Variants in PINK1 observed in about 807,000 individuals in gnomAD.
PINK1 encodes the protein PTEN induced kinase 1.
PINK1 carries 58 observed loss-of-function variants against 56.0 expected under a neutral mutation model. The observed-to-expected ratio is 1.04, with a 90% CI of 0.84 to 1.29. The LOEUF (loss-of-function observed/expected upper bound fraction) is 1.29, where lower values mean the gene tolerates loss of function less well. Ranked by LOEUF, PINK1 falls within the 50% of genes most tolerant of loss-of-function variation. The pLI, the probability that PINK1 is intolerant of heterozygous loss-of-function variation, is 0.00. For synonymous variants in PINK1, 354 were observed against 339.3 expected (o/e 1.04, Z -0.48); for missense variants, 745 against 777.9 (o/e 0.96, Z 0.50).
Position 20,649,234 on chromosome 1 carries a change from G to A in PINK1, c.1488+3G>A, listed in dbSNP as rs114288000. 5 of 1,613,902 alleles carry A rather than the reference G, an allele frequency of 3.1e-6. No individual in the cohort carries two copies. Among genetic ancestry groups the A allele is most frequent in the African/African-American group, 1.3e-5 (1 of 75,054 alleles). ...TGCTCCAGCGAGAGGCCAGCAAGGT[G>A]AGGCTGTCCCCGGCTTCGAGGGGAC... On this transcript the variant is annotated splice_donor_region_variant and intron_variant, in intron 7 of 7. Transcript: ENST00000321556.
intron 5 of PINK1, among the ~76,000 whole-genome samples, chr1:20,647,283 T>C (rs1471258148): frequency 6.6e-6 from 1 of 151,728 alleles, no homozygotes; most frequent in Non-Finnish European, 1.5e-5. Flanking sequence ...GGTCTCTATC[T>C]CCTGACTTCG....
At chr1:20,646,856 T>C (rs893070099) in intron 5 of PINK1, among the ~76,000 whole-genome samples, 27 of 61,160 alleles carry the variant, frequency 4.4e-4, no homozygotes, top group Admixed American at 1.0e-3. Context: ...CTGGCTTTTA[T>C]TATTTCTTTA....
Position 20,638,057 on chromosome 1 carries a change from A to G in PINK1, c.603A>G (p.Pro201=). 1 of 1,614,172 alleles carries G rather than the reference A, an allele frequency of 6.2e-7. No homozygotes were observed. The highest frequency in any genetic ancestry group is 8.5e-7 in the Non-Finnish European group (1 of 1,179,994). The change falls in exon 2 of 8, where the codon CCA becomes CCG. Residue 201 remains proline, a synonymous_variant. Coordinates refer to ENST00000321556, the MANE Select transcript of PINK1 (RefSeq NM_032409.3). ...LPGRGPGTSA[P]GEGQERAPGA... is the part of the protein sequence containing the mutation. ...GGAGAGGCCCAGGTACCAGTGCACC[A>G]GGAGAAGGGCAGGAGCGAGCTCCGG...
Position 20,638,133 on chromosome 1 carries a change from A to T in PINK1, c.675+4A>T, listed in dbSNP as rs2053077006. The stretch of plus-strand genomic sequence containing the variant: ...CAAGATGATGTGGAACATCTCGGTA[A>T]GCACCAGGCCTTTCATCTTTAAAGG... On this transcript the variant is annotated splice_donor_region_variant and intron_variant, in intron 2 of 7. Transcript: ENST00000321556. 6.2e-7 allele frequency: 1 copy of T among 1,610,016 alleles called. No individual in the cohort carries two copies.
intron 7 of PINK1, 173 bp from the exon 8 acceptor site, chr1:20,650,261 A>T: frequency 1.2e-6 from 1 of 819,920 alleles, no homozygotes; most frequent in Non-Finnish European, 2.0e-6. Context: ...AGCTTGGAGC[A>T]CGGGCAGGGG....
At chr1:20,643,654 A>G (rs999796686) in intron 3 of PINK1, among the ~76,000 whole-genome samples, 1 of 152,216 alleles carries the variant, frequency 6.6e-6, no homozygotes, top group Non-Finnish European at 1.5e-5. Context: ...GGTACTCAGC[A>G]TGCAAACAGT....
chr1:20,637,935 T>G lies in PINK1; in HGVS notation c.481T>G (p.Ser161Ala). 6.2e-7 allele frequency: 1 copy of G among 1,614,130 alleles called. No homozygotes were observed. The highest frequency in any genetic ancestry group is 8.5e-7 in the Non-Finnish European group (1 of 1,180,026). ...GCTGGAGGAGTATCTGATAGGGCAGTCCATTGGTAAGGGCTGCAGTGCTGC... is the reference window on the plus strand; with the variant it reads ...GCTGGAGGAGTATCTGATAGGGCAGGCCATTGGTAAGGGCTGCAGTGCTGC... The part of the protein sequence containing the change: ...FRLEEYLIGQ[S>A]IGKGCSAAVY... Residue 161 changes from serine (S) to alanine (A), a missense_variant, in exon 2 of 8, where the codon TCC (serine) becomes GCC (alanine). Coordinates refer to ENST00000321556, the MANE Select transcript of PINK1 (RefSeq NM_032409.3).
At position 20,641,578 on chromosome 1, in the gene PINK1, C is replaced by T. The variant is rs944327209; in HGVS notation, c.776+1586C>T. On this transcript the variant is annotated intron_variant, in intron 3 of 7. Transcript: ENST00000321556. The surrounding 1 kb of genome is among the most constrained non-coding windows in gnomAD (Gnocchi z 4.0). ...CCTCAGTAAATACCTGTTGAATGAC[C>T]GGATAGATGTGGCAGCAGGTACATT... Among the ~76,000 whole-genome samples, 4 of 152,106 alleles carry T rather than the reference C, an allele frequency of 2.6e-5. No homozygotes were observed. The highest frequency in any genetic ancestry group is 7.2e-5 in the African/African-American group (3 of 41,402).
At chr1:20,647,860 T>G (rs1402285849) in intron 5 of PINK1, among the ~76,000 whole-genome samples, 3 of 152,108 alleles carry the variant, frequency 2.0e-5, no homozygotes, top group Non-Finnish European at 4.4e-5. Flanking sequence ...CTCGCTGTGT[T>G]GCTCAGGCTG....
chr1:20,646,576 G>A (rs991716626), intron 5 of PINK1, among the ~76,000 whole-genome samples: 1 of 151,990 alleles, frequency 6.6e-6, no homozygotes, highest in African/African-American at 2.4e-5. Context: ...CCCGGGAGGC[G>A]GAGGTTGTAG....
Position 20,639,967 on chromosome 1 carries a change from G to A in PINK1, c.751G>A (p.Gly251Arg). Residue 251 changes from glycine (G) to arginine (R), a missense_variant, in exon 3 of 8, where the codon GGG (glycine) becomes AGG (arginine). Transcript: ENST00000321556. Reference sequence around the variant, plus strand: ...CCCAGCGAGCCGAGTGGCCTTGGCTGGGGAGTATGGAGCAGTCACTTACAG... The same window carrying A: ...CCCAGCGAGCCGAGTGGCCTTGGCTAGGGAGTATGGAGCAGTCACTTACAG... Reference protein sequence around the residue: ...LVPASRVALAGEYGAVTYRKS... With the variant: ...LVPASRVALAREYGAVTYRKS... 1.2e-6 allele frequency: 2 copies of A among 1,611,154 alleles called. No individual in the cohort carries two copies. The highest frequency in any genetic ancestry group is 1.7e-6 in the Non-Finnish European group (2 of 1,178,918).
intron 1 of PINK1, 112 bp downstream of exon 1, chr1:20,634,047 A>C: frequency 7.5e-7 from 1 of 1,330,074 alleles, no homozygotes; most frequent in Non-Finnish European, 1.0e-6. Context: ...GAGCAGATCG[A>C]GGGCCGAGGC....
intron 3 of PINK1, 83 bp downstream of exon 3, chr1:20,640,075 C>A: frequency 8.9e-7 from 1 of 1,128,256 alleles, no homozygotes; most frequent in Non-Finnish European, 1.3e-6. Context: ...GCACCTGGTA[C>A]AGTGTCTGAT....
At chr1:20,647,259 A>T (rs7532202) in intron 5 of PINK1, among the ~76,000 whole-genome samples, 2 of 151,114 alleles carry the variant, frequency 1.3e-5, no homozygotes, top group African/African-American at 4.9e-5. Flanking sequence ...GGGTTTCACC[A>T]TGTTAGCCAG....
In PINK1 at chr1:20,640,001, C is replaced by CCT; in HGVS notation, c.776+12_776+13dup. The CCT allele has an allele frequency of 6.3e-7, 1 of 1,592,040 alleles. No individual in the cohort carries two copies. The highest frequency in any genetic ancestry group is 8.5e-7 in the Non-Finnish European group (1 of 1,169,766). ...GGAGCAGTCACTTACAGGTAAGTGC[C>CCT]CTCTGCCTGCCAGACTGACTGGGAC... On this transcript the variant is annotated intron_variant, in intron 3 of 7. Coordinates refer to ENST00000321556, the MANE Select transcript of PINK1 (RefSeq NM_032409.3).
In PINK1 at chr1:20,639,917, T is replaced by C. The variant is rs771836537; in HGVS notation, c.701T>C (p.Leu234Ser). 1.7e-5 allele frequency: 27 copies of C among 1,613,166 alleles called. No homozygotes were observed. Among genetic ancestry groups the C allele is most frequent in the Non-Finnish European group, 2.3e-5 (27 of 1,179,714 alleles). Reference sequence around the variant, plus strand: ...GCAGGTTCCTCCAGCGAAGCCATCTTGAACACAATGAGCCAGGAGCTGGTC... The same window carrying C: ...GCAGGTTCCTCCAGCGAAGCCATCTCGAACACAATGAGCCAGGAGCTGGTC... ...ISAGSSSEAILNTMSQELVPA... is the reference protein window; with the variant it reads ...ISAGSSSEAISNTMSQELVPA... The change falls in exon 3 of 8, where the codon TTG (leucine) becomes TCG (serine). Residue 234 changes from leucine (L) to serine (S), a missense_variant. Transcript: ENST00000321556.
chr1:20,645,882 G>T (rs1370198274), intron 5 of PINK1, among the ~76,000 whole-genome samples, 159 bp downstream of exon 5: 1 of 111,478 alleles, frequency 9.0e-6, no homozygotes, highest in African/African-American at 2.6e-5. Flanking sequence ...CCTTAGAACG[G>T]GGTTTTTTTT....
rs776134109 is a variant in PINK1 at position 20,637,966 on chromosome 1, A to G, written c.512A>G (p.Tyr171Cys). The G allele has an allele frequency of 1.4e-5, 23 of 1,614,060 alleles. No individual in the cohort carries two copies. Among genetic ancestry groups the G allele is most frequent in the Admixed American group, 1.0e-4 (6 of 60,002 alleles). Residue 171 changes from tyrosine (Y) to cysteine (C), a missense_variant, in exon 2 of 8, where the codon TAT (tyrosine) becomes TGT (cysteine). Physicochemically the swap from Tyr to Cys is radical, Grantham distance 194. Transcript: ENST00000321556. ...SIGKGCSAAV[Y>C]EATMPTLPQN... The stretch of plus-strand genomic sequence containing the variant: ...GGTAAGGGCTGCAGTGCTGCTGTGT[A>G]TGAAGCCACCATGCCTACATTGCCC...
At chr1:20,644,763 T>G in intron 4 of PINK1, 91 bp downstream of exon 4, 1 of 1,498,794 alleles carries the variant, frequency 6.7e-7, no homozygotes. Context: ...GATCAGGGGG[T>G]TTTGGAGAAC....
Sources: gnomAD v4.1 joint callset for allele counts (sites outside exome capture counted in the v4.1 genomes callset) on GRCh38, gnomAD v4.1.1 for gene constraint, Gnocchi (gnomAD v3.1) non-coding constraint, MANE v1.5 for transcripts, NCBI Gene and HGNC (gene_info 2026-07-23, HGNC 2026-07-21) for gene names.